Variants in INPP5F observed in about 807,000 individuals in gnomAD.
The protein encoded by INPP5F is phosphatidylinositide 4-phosphatase SAC2.
Under a neutral mutation model 137.2 loss-of-function variants are expected in INPP5F, and 97 were observed. That is an observed-to-expected ratio of 0.71 (90% CI 0.60 to 0.84). The LOEUF (loss-of-function observed/expected upper bound fraction) is 0.84, where lower values mean the gene tolerates loss of function less well. INPP5F is among the 40% of genes least tolerant of loss of function. The pLI is 0.00. For synonymous variants in INPP5F, 504 were observed against 476.9 expected (o/e 1.06, Z -0.74); for missense variants, 1,271 against 1,371.9 (o/e 0.93, Z 1.16).
chr10:119,728,957 G>A (rs1205395363), intron 1 of INPP5F, among the ~76,000 whole-genome samples: 1 of 152,144 alleles, frequency 6.6e-6, no homozygotes, highest in East Asian at 1.9e-4. Context: ...CCAAGGCAAG[G>A]GCTGTATTTA....
At chr10:119,753,312 T>G (rs1227811099) in intron 2 of INPP5F, among the ~76,000 whole-genome samples, 1 of 152,204 alleles carries the variant, frequency 6.6e-6, no homozygotes, top group African/African-American at 2.4e-5. Context: ...CAAGCTGTAT[T>G]TATTTAGCTT....
At chr10:119,733,263 C>T (rs986144336) in intron 1 of INPP5F, among the ~76,000 whole-genome samples, 4 of 152,148 alleles carry the variant, frequency 2.6e-5, no homozygotes, top group Non-Finnish European at 5.9e-5. Flanking sequence ...GATCCTGTGC[C>T]TGCATTGACT....
At chr10:119,796,694 T>C (rs780420022) in intron 6 of INPP5F, 21 bp from the exon 7 acceptor site, 11 of 1,582,886 alleles carry the variant, frequency 6.9e-6, no homozygotes, top group East Asian at 2.2e-5. Flanking sequence ...AGAAACGATA[T>C]CATGTTCATT....
intron 13 of INPP5F, 40 bp from the exon 14 acceptor site, chr10:119,810,060 G>A: frequency 4.4e-6 from 5 of 1,126,862 alleles, no homozygotes; most frequent in Non-Finnish European, 6.8e-6. Flanking sequence ...GGGCATTCTT[G>A]TGTTTAAATA....
chr10:119,773,403 A>G (rs1018674743), intron 2 of INPP5F, among the ~76,000 whole-genome samples: 11 of 152,114 alleles, frequency 7.2e-5, no homozygotes, highest in African/African-American at 2.4e-4. Flanking sequence ...GGTTTGTTAC[A>G]TGAGTATATT....
rs889996722 is a variant in INPP5F at position 119,763,855 on chromosome 10, T to C, written c.178+12699T>C. 2.0e-5 allele frequency among the ~76,000 whole-genome samples: 3 copies of C among 152,214 alleles called. No individual in the cohort carries two copies. The East Asian group carries it at 5.8e-4, about 29-fold the overall frequency. On this transcript the variant is annotated intron_variant, in intron 2 of 19. Transcript: ENST00000650623. ...CATTTTGCTTAGAAATTGCCTCAGG[T>C]AAATATCCAATTTCACTCTTAAGTC...
intron 1 of INPP5F, among the ~76,000 whole-genome samples, chr10:119,733,360 A>G (rs1376426268): frequency 6.6e-6 from 1 of 152,212 alleles, no homozygotes; most frequent in Non-Finnish European, 1.5e-5. Context: ...TCAGTTGATC[A>G]GGTTTCTCTT....
chr10:119,789,077 TAGTC>T (rs1327782215), intron 3 of INPP5F, among the ~76,000 whole-genome samples: 4 of 151,892 alleles, frequency 2.6e-5, no homozygotes, highest in Non-Finnish European at 4.4e-5. Context: ...AACACAATAT[TAGTC>T]AGGCATGGTG....
intron 8 of INPP5F, 90 bp from the exon 9 acceptor site, chr10:119,798,453 A>G (rs1589728220): frequency 3.5e-6 from 3 of 849,010 alleles, no homozygotes; most frequent in Non-Finnish European, 3.8e-6. Flanking sequence ...CTGTCAATAA[A>G]TTATTTAAAA....
intron 1 of INPP5F, among the ~76,000 whole-genome samples, chr10:119,746,787 T>TC (rs1313607940): frequency 6.6e-6 from 1 of 151,528 alleles, no homozygotes; most frequent in Non-Finnish European, 1.5e-5. Context: ...AGCCAAATTT[T>TC]TTTTTTTTTT....
intron 9 of INPP5F, among the ~76,000 whole-genome samples, chr10:119,798,905 G>T (rs753731525): frequency 6.6e-6 from 1 of 150,656 alleles, no homozygotes; most frequent in Non-Finnish European, 1.5e-5. Context: ...AGCTGGGACT[G>T]CAGGCATGTG....
chr10:119,810,263 G>C (rs780431896), intron 14 of INPP5F, 46 bp downstream of exon 14: 1 of 1,008,200 alleles, frequency 9.9e-7, no homozygotes, highest in South Asian at 1.4e-5. Context: ...TATGTCTTCT[G>C]TGACTAATAT....
intron 15 of INPP5F, among the ~76,000 whole-genome samples, chr10:119,812,370 C>T (rs1439039260): frequency 8.5e-6 from 1 of 117,882 alleles, no homozygotes; most frequent in Non-Finnish European, 1.7e-5. Flanking sequence ...AATAGGTCAA[C>T]TAATATTCTT....
At chr10:119,784,480 C>A (rs562729889) in intron 3 of INPP5F, among the ~76,000 whole-genome samples, 10 of 152,266 alleles carry the variant, frequency 6.6e-5, no homozygotes, top group African/African-American at 2.2e-4. Flanking sequence ...ATTTGGATGT[C>A]TGTGTATCAG....
rs3067616 is a variant in INPP5F at position 119,821,337 on chromosome 10, CGT to C, written c.1958+442_1958+443del. Among the ~76,000 whole-genome samples, 804 of 149,884 alleles carry C rather than the reference CGT, an allele frequency of 5.4e-3. 3 individuals are homozygous for C. The highest frequency in any genetic ancestry group is 0.01 in the East Asian group (51 of 5,066). Reference sequence around the variant, plus strand: ...TGATGCAGTTGTCTTTATGCAATAACGTGTGTGTGTGTGTGTGTGTGTGCATG... The same window carrying C: ...TGATGCAGTTGTCTTTATGCAATAACGTGTGTGTGTGTGTGTGTGTGCATG... On this transcript the variant is annotated intron_variant, in intron 16 of 19. Coordinates refer to ENST00000650623, the MANE Select transcript of INPP5F (RefSeq NM_014937.4).
intron 1 of INPP5F, among the ~76,000 whole-genome samples, chr10:119,746,255 T>C (rs1848529158): frequency 6.6e-6 from 1 of 152,244 alleles, no homozygotes; most frequent in South Asian, 2.1e-4. Context: ...TTCTTGCTGC[T>C]GTCCTTATGC....
At chr10:119,751,179 A>G in intron 2 of INPP5F, 23 bp downstream of exon 2, 2 of 1,380,284 alleles carry the variant, frequency 1.4e-6, no homozygotes, top group Non-Finnish European at 2.1e-6. Context: ...AAACTCCTTA[A>G]ACTTGTCAAA....
intron 1 of INPP5F, among the ~76,000 whole-genome samples, chr10:119,740,667 C>T (rs1280158196): frequency 2.0e-5 from 3 of 152,068 alleles, no homozygotes; most frequent in Admixed American, 6.5e-5. Context: ...CTCAGCCTTC[C>T]GAGTAGCTGG....
rs1334610778 is a variant in INPP5F at position 119,791,507 on chromosome 10, TC to T, written c.316-8del. On this transcript the variant is annotated splice_polypyrimidine_tract_variant and intron_variant, in intron 3 of 19. Coordinates refer to ENST00000650623, the MANE Select transcript of INPP5F (RefSeq NM_014937.4). Reference sequence around the variant, plus strand: ...TAGTAATAACAAATCATCTTTCTCTTCCTATTTAGCTCTGTAAGAAGCATCA... The same window carrying T: ...TAGTAATAACAAATCATCTTTCTCTTCTATTTAGCTCTGTAAGAAGCATCA... 1.3e-6 allele frequency: 2 copies of T among 1,584,744 alleles called. No homozygotes were observed. The highest frequency in any genetic ancestry group is 8.6e-7 in the Non-Finnish European group (1 of 1,162,328).
Sources: gnomAD v4.1 joint callset for allele counts (sites outside exome capture counted in the v4.1 genomes callset) on GRCh38, gnomAD v4.1.1 for gene constraint, MANE v1.5 for transcripts, NCBI Gene and HGNC (gene_info 2026-07-23, HGNC 2026-07-21) for gene names.